The following PYGB variants were observed in gnomAD, a reference collection of about 807,000 sequenced individuals.
PYGB encodes glycogen phosphorylase B.
In PYGB, 82 loss-of-function variants were observed where a neutral mutation model predicts 94.3. The observed-to-expected ratio is 0.87, with a 90% CI of 0.73 to 1.04. PYGB has a LOEUF of 1.04. Ranked by LOEUF, PYGB falls within the 50% of genes least tolerant of loss-of-function variation. PYGB has a pLI of 0.00. For missense variants in PYGB, 1,132 were observed against 1,158.2 expected (o/e 0.98, Z 0.33); for synonymous variants, 488 against 479.1 (o/e 1.02, Z -0.24).
At chr20:25,273,260 G>A (rs559246630) in intron 4 of PYGB, among the ~76,000 whole-genome samples, 1 of 152,330 alleles carries the variant, frequency 6.6e-6, no homozygotes, top group African/African-American at 2.4e-5. Context: ...GACTAACTCT[G>A]CAGATGGCCA....
chr20:25,296,118 G>A (rs529089079), intron 19 of PYGB, among the ~76,000 whole-genome samples: 1 of 152,246 alleles, frequency 6.6e-6, no homozygotes, highest in African/African-American at 2.4e-5. Flanking sequence ...TGGGGGCCAT[G>A]CCCTAGCAGG....
intron 2 of PYGB, among the ~76,000 whole-genome samples, chr20:25,260,345 T>C (rs2092910697): frequency 6.6e-6 from 1 of 152,244 alleles, no homozygotes; most frequent in African/African-American, 2.4e-5. Flanking sequence ...TGAAACACTT[T>C]CTGCAGTTCT....
At chr20:25,294,720 A>G in intron 18 of PYGB, 3 of 615,960 alleles carry the variant, frequency 4.9e-6, no homozygotes, top group Non-Finnish European at 8.8e-6. Flanking sequence ...CAGTGGTGAA[A>G]ATGGATTTCA....
intron 1 of PYGB, chr20:25,251,410 A>C (rs1414566551): frequency 6.6e-6 from 1 of 152,224 alleles, no homozygotes; most frequent in Non-Finnish European, 1.5e-5. Context: ...CAAGCTGGTG[A>C]TGTTTCCGAA....
intron 11 of PYGB, 30 bp from the exon 12 acceptor site, chr20:25,282,003 G>A (rs202153402): frequency 9.0e-6 from 14 of 1,560,518 alleles, no homozygotes; most frequent in Admixed American, 5.0e-5. Context: ...CACAGCATTT[G>A]TGACAGTTCC....
intron 9 of PYGB, among the ~76,000 whole-genome samples, chr20:25,279,628 G>T (rs1282680576): frequency 6.6e-6 from 1 of 152,132 alleles, no homozygotes; most frequent in African/African-American, 2.4e-5. Context: ...GGGAAGCCAA[G>T]GCAGGAGGGT....
intron 3 of PYGB, 95 bp from the exon 4 acceptor site, chr20:25,271,283 ATCCCC>A (rs1385754622): frequency 9.3e-6 from 10 of 1,072,086 alleles, no homozygotes; most frequent in Non-Finnish European, 1.3e-5. Flanking sequence ...AGTCAGTGTG[ATCCCC>A]TCTGAATTTC....
chr20:25,258,969 A>G (rs1446113957), intron 1 of PYGB, among the ~76,000 whole-genome samples: 2 of 152,162 alleles, frequency 1.3e-5, no homozygotes, highest in East Asian at 1.9e-4. Flanking sequence ...CTGCCTCCCC[A>G]CACATCATGG....
intron 1 of PYGB, among the ~76,000 whole-genome samples, chr20:25,252,115 C>T (rs1442765520): frequency 1.3e-5 from 2 of 152,192 alleles, no homozygotes; most frequent in South Asian, 2.1e-4. Flanking sequence ...GCAGGCTTCC[C>T]TGACAGCAGA....
intron 15 of PYGB, 141 bp downstream of exon 15, chr20:25,288,624 T>A: frequency 4.2e-6 from 4 of 961,590 alleles, no homozygotes; most frequent in Middle Eastern, 2.3e-4. Context: ...CTGGTATGCC[T>A]GTGGGGGTGG....
In PYGB at chr20:25,286,213, G is replaced by A. The variant is rs190720529; in HGVS notation, c.1768+1962G>A. Among the ~76,000 whole-genome samples the A allele has an allele frequency of 2.6e-3, 402 of 152,360 alleles. 1 individual carries two copies. Among genetic ancestry groups the A allele is most frequent in the South Asian group, 4.6e-3 (22 of 4,824 alleles). On this transcript the variant is annotated intron_variant, in intron 14 of 19. Coordinates refer to ENST00000216962, the MANE Select transcript of PYGB (RefSeq NM_002862.4). ...TTCAGGGAAGTTGTCTGTTTGAAACGTGTGTTTGGTTCTGTTTGGTTTTCT... is the reference window on the plus strand; with the variant it reads ...TTCAGGGAAGTTGTCTGTTTGAAACATGTGTTTGGTTCTGTTTGGTTTTCT...
chr20:25,284,199 C>G lies in PYGB; in HGVS notation c.1716C>G (p.His572Gln), dbSNP rs762338717. The G allele has an allele frequency of 6.2e-7, 1 of 1,614,084 alleles. No individual in the cohort carries two copies. The change falls in exon 14 of 20, where the codon CAC becomes CAG. Residue 572 changes from histidine to glutamine, a missense_variant. Physicochemically the swap from His to Gln is conservative, Grantham distance 24. Transcript: ENST00000216962. ...TCGATGTGCATGTGAAGAGGATCCA[C>G]GAGTACAAGCGGCAGCTGCTCAACT... ...SMFDVHVKRI[H>Q]EYKRQLLNCL...
intron 12 of PYGB, 39 bp from the exon 13 acceptor site, chr20:25,283,137 G>A (rs781002227): frequency 6.5e-7 from 1 of 1,539,922 alleles, no homozygotes; most frequent in Non-Finnish European, 9.0e-7. Context: ...GCCTCAGGAG[G>A]CTGAGGCCCA....
intron 1 of PYGB, among the ~76,000 whole-genome samples, chr20:25,255,259 A>G (rs1375565462): frequency 6.6e-6 from 1 of 152,124 alleles, no homozygotes; most frequent in East Asian, 1.9e-4. Flanking sequence ...CCAAAGACCA[A>G]CCTCAGCGTC....
At position 25,271,500 on chromosome 20, in the gene PYGB, C is replaced by A. The variant is rs200218020; in HGVS notation, c.528+14C>A. ...AATGGCTGGCAGGTGGGTGAGATTT[C>A]ATTTCTTCACTGGTTTCCAGCTCTC... is the stretch of plus-strand genomic sequence containing the variant. On this transcript the variant is annotated intron_variant, in intron 4 of 19. Transcript: ENST00000216962. 2.5e-6 allele frequency: 4 copies of A among 1,598,974 alleles called. No individual in the cohort carries two copies. In the African/African-American group the frequency reaches 4.0e-5, roughly 16 times the overall value.
chr20:25,296,576 ACCT>A lies in PYGB; in HGVS notation c.*58_*60del. The A allele has an allele frequency of 6.4e-7, 1 of 1,561,306 alleles. No individual in the cohort carries two copies. The highest frequency in any genetic ancestry group is 8.7e-7 in the Non-Finnish European group (1 of 1,154,770). On this transcript the variant is annotated 3_prime_UTR_variant, in exon 20 of 20. Transcript: ENST00000216962. ...GCATTTGTTTTCTTGCTGACTTTGC[ACCT>A]CCTTTTTTCCCCAAACACTTTGCCA... is the stretch of plus-strand genomic sequence containing the variant.
rs911201013 is a variant in PYGB, at chr20:25,269,167, A to T, written c.384A>T (p.Glu128Asp). The T allele has an allele frequency of 8.1e-6, 13 of 1,601,690 alleles. No homozygotes were observed. Among genetic ancestry groups the T allele is most frequent in the African/African-American group, 1.3e-5 (1 of 74,612 alleles). ...LDLEELEEIE[E>D]DAGLGNGGLG... ...TGGAGGAACTCGAGGAGATAGAAGA[A>T]GATGCTGGCCTTGGGAATGGAGGCC... The change falls in exon 3 of 20, where the codon GAA (glutamate) becomes GAT (aspartate). Residue 128 changes from glutamate (E) to aspartate (D), a missense_variant. By Grantham distance (45) the Glu-to-Asp change is conservative (BLOSUM62 2). Transcript: ENST00000216962.
At chr20:25,274,203 G>T (rs2474773) in intron 4 of PYGB, among the ~76,000 whole-genome samples, 3,779 of 152,100 alleles carry the variant, frequency 0.025, 143 homozygotes, top group African/African-American at 0.083. Flanking sequence ...CCTCTCACCC[G>T]CTTTCTGTCT....
At position 25,290,470 on chromosome 20, in the gene PYGB, T is replaced by C; in HGVS notation, c.1828-11T>C. On this transcript the variant is annotated splice_polypyrimidine_tract_variant and intron_variant, in intron 15 of 19. Transcript: ENST00000216962. ...ATTTTTGTGCTAAAAACCTTCACCC[T>C]CTCCTTCCAGGCAGCGCCCGGTTAC... 6.2e-7 allele frequency: 1 copy of C among 1,601,124 alleles called. No homozygotes were observed. Among genetic ancestry groups the C allele is most frequent in the Non-Finnish European group, 8.6e-7 (1 of 1,168,888 alleles).
Sources: allele counts gnomAD v4.1 joint callset (sites outside exome capture counted in the v4.1 genomes callset), GRCh38; gene constraint gnomAD v4.1.1; transcripts MANE v1.5; gene names NCBI Gene and HGNC (gene_info 2026-07-23, HGNC 2026-07-21).